SHANK1: variants seen among roughly 807,000 people sequenced by gnomAD.
SHANK1 encodes SH3 and multiple ankyrin repeat domains protein 1.
SHANK1 carries 35 observed loss-of-function variants against 165.6 expected under a neutral mutation model. The ratio of observed to expected loss-of-function variants is 0.21; its 90% CI spans 0.16 to 0.28. The LOEUF (loss-of-function observed/expected upper bound fraction) is 0.28. Ranked by LOEUF, SHANK1 falls within the 10% of genes least tolerant of loss-of-function variation. SHANK1 has a pLI of 1.00. For synonymous variants in SHANK1, 1,428 were observed against 1,384.8 expected (o/e 1.03, Z -0.69); for missense variants, 2,681 against 3,036.4 (o/e 0.88, Z 2.75).
At chr19:50,671,914 G>C in intron 22 of SHANK1, 104 bp downstream of exon 22, 1 of 839,806 alleles carries the variant, frequency 1.2e-6, no homozygotes, top group Non-Finnish European at 1.9e-6. Context: ...TGAAACTATG[G>C]TCTCTCTGGG....
chr19:50,687,621 G>A lies in SHANK1; in HGVS notation c.2350C>T (p.Leu784=). 2 of 1,536,766 alleles carry A rather than the reference G, an allele frequency of 1.3e-6. No homozygotes were observed. Among genetic ancestry groups the A allele is most frequent in the South Asian group, 1.2e-5 (1 of 81,436 alleles). The stretch of plus-strand genomic sequence containing the variant: ...TCTGAGGTCATAGATTTGGAACGCA[G>A]GGAGATGGTTGGGGGCGGCAGCCGC... ...AKRLPPPTIS[L]RSKSMTSELE... is the part of the protein sequence containing the mutation. The change falls in exon 19 of 24, where the codon CTG becomes TTG. Residue 784 remains leucine (L), a synonymous_variant. Transcript: ENST00000293441.
At chr19:50,683,051 C>T (rs1986224815) in intron 21 of SHANK1, among the ~76,000 whole-genome samples, 1 of 152,130 alleles carries the variant, frequency 6.6e-6, no homozygotes. Flanking sequence ...ACTCTGGTCT[C>T]GAACTACTAA....
At chr19:50,683,070 G>T (rs1000365893) in intron 21 of SHANK1, among the ~76,000 whole-genome samples, 1 of 152,146 alleles carries the variant, frequency 6.6e-6, no homozygotes, top group Non-Finnish European at 1.5e-5. Context: ...AAGCTCCAGG[G>T]ATCAGCCAGC....
At chr19:50,682,557 C>T (rs1174324373) in intron 21 of SHANK1, among the ~76,000 whole-genome samples, 8 of 152,112 alleles carry the variant, frequency 5.3e-5, no homozygotes, top group African/African-American at 1.9e-4. Context: ...ATTTGCATCC[C>T]CATTTGTCTG....
chr19:50,691,636 C>A (rs985559484), intron 15 of SHANK1, among the ~76,000 whole-genome samples: 1 of 152,180 alleles, frequency 6.6e-6, no homozygotes, highest in Non-Finnish European at 1.5e-5. Flanking sequence ...TCATAACCAG[C>A]CTCTGGGGCA....
In SHANK1 at chr19:50,667,354, C is replaced by T. The variant is rs1404244464; in HGVS notation, c.4606G>A (p.Ala1536Thr). 5.2e-6 allele frequency: 8 copies of T among 1,551,956 alleles called. No homozygotes were observed. The highest frequency in any genetic ancestry group is 6.9e-6 in the Non-Finnish European group (8 of 1,154,566). ...SVPPSPTSPR[A>T]SEENGLPLLV... is the part of the protein sequence containing the mutation. ...AGGGGCAGCCCGTTCTCTTCGCTGG[C>T]CCTCGGGGAGGTCGGGGAGGGGGGC... Residue 1536 changes from alanine (A) to threonine (T), a missense_variant, in exon 23 of 24, where the codon GCC becomes ACC. Coordinates refer to ENST00000293441, the MANE Select transcript of SHANK1 (RefSeq NM_016148.5). The surrounding 1 kb of genome is among the most constrained non-coding windows in gnomAD (Gnocchi z 5.7).
At chr19:50,707,110 A>G (rs1192841834) in intron 8 of SHANK1, among the ~76,000 whole-genome samples, 1 of 152,152 alleles carries the variant, frequency 6.6e-6, no homozygotes, top group African/African-American at 2.4e-5. Flanking sequence ...ACACTGATGT[A>G]TGTGCCAGGC....
rs375795144 is a variant in SHANK1 at position 50,666,890 on chromosome 19, G to A, written c.5070C>T (p.Thr1690=). ...TGCTCAGCGTGGAGGCGCTGCTGAT[G>A]GTCTCCAGTGGGTGGTCACTGCTGC... ...SRSSSDHPLE[T]ISSASTLSSL... is the part of the protein sequence containing the mutation. The change falls in exon 23 of 24, where the codon ACC becomes ACT. Residue 1690 remains threonine (T), a synonymous_variant. Coordinates refer to ENST00000293441, the MANE Select transcript of SHANK1 (RefSeq NM_016148.5). 1.8e-4 allele frequency: 294 copies of A among 1,592,384 alleles called. No homozygotes were observed. In the African/African-American group the frequency reaches 3.1e-3, roughly 17 times the overall value.
At position 50,686,976 on chromosome 19, in the gene SHANK1, CG is replaced by C; in HGVS notation, c.2390-165del. On this transcript the variant is annotated intron_variant, in intron 19 of 23. Transcript: ENST00000293441. This position sits in a 1 kb window ranked among gnomAD's most constrained non-coding sequence, Gnocchi z 5.7. ...GGAGGGGCGAGTCCGCCGGCGGGGTCGGGAGACGGGGGCCCTCCCGCCAGTC... is the reference window on the plus strand; with the variant it reads ...GGAGGGGCGAGTCCGCCGGCGGGGTCGGAGACGGGGGCCCTCCCGCCAGTC... The C allele has an allele frequency of 7.1e-7, 1 of 1,398,816 alleles. No homozygotes were observed. Among genetic ancestry groups the C allele is most frequent in the South Asian group, 1.6e-5 (1 of 62,044 alleles). 86.7% of individuals were successfully genotyped at this position (1,398,816 alleles called of 1,614,324 possible).
intron 11 of SHANK1, 81 bp downstream of exon 11, chr19:50,703,419 G>C: frequency 8.2e-7 from 1 of 1,226,658 alleles, no homozygotes; most frequent in Non-Finnish European, 1.1e-6. Context: ...AGGCAGCTGG[G>C]CTGGCCTCGG....
intron 19 of SHANK1, chr19:50,687,128 C>A: frequency 1.2e-6 from 1 of 826,312 alleles, no homozygotes; most frequent in Non-Finnish European, 1.8e-6. Context: ...CCGCCTCCCT[C>A]GGGGCCCCGG....
chr19:50,663,768 A>T (rs908934880), intron 23 of SHANK1, among the ~76,000 whole-genome samples: 1 of 151,998 alleles, frequency 6.6e-6, no homozygotes, highest in African/African-American at 2.4e-5. Flanking sequence ...AAAAGAAAAA[A>T]AAAATCCTCT....
At chr19:50,679,114 G>A (rs1986085709) in intron 21 of SHANK1, among the ~76,000 whole-genome samples, 1 of 123,720 alleles carries the variant, frequency 8.1e-6, no homozygotes, top group African/African-American at 3.0e-5. Context: ...GGTGTGGGGA[G>A]GGGTCAGGGT....
At position 50,703,566 on chromosome 19, in the gene SHANK1, C is replaced by G; in HGVS notation, c.1487G>C (p.Arg496Thr). Residue 496 changes from arginine to threonine, a missense_variant, in exon 11 of 24, where the codon AGG becomes ACG. Around this residue, in one of 10 missense-constraint regions of SHANK1, gnomAD observed 195 missense variants for 186.2 expected, o/e 1.05. Coordinates refer to ENST00000293441, the MANE Select transcript of SHANK1 (RefSeq NM_016148.5). ...LRSASSPRGARARSPSRGRHP... is the reference protein window; with the variant it reads ...LRSASSPRGATARSPSRGRHP... ...CCTCCCTCGGGATGGAGAGCGGGCC[C>G]TGGCACCCCGGGGGCTGCTGGCACT... 7.7e-6 allele frequency: 12 copies of G among 1,555,434 alleles called. No homozygotes were observed. Among genetic ancestry groups the G allele is most frequent in the Non-Finnish European group, 1.0e-5 (12 of 1,154,626 alleles).
chr19:50,712,305 C>G (rs572734709), intron 6 of SHANK1, among the ~76,000 whole-genome samples, 191 bp from the exon 7 acceptor site: 2 of 152,234 alleles, frequency 1.3e-5, no homozygotes, highest in Non-Finnish European at 1.5e-5. Flanking sequence ...ACTCTGATTC[C>G]GTGTGAACAA....
intron 4 of SHANK1, among the ~76,000 whole-genome samples, 172 bp from the exon 5 acceptor site, chr19:50,714,462 C>T (rs934933876): frequency 2.0e-5 from 3 of 152,050 alleles, no homozygotes; most frequent in South Asian, 2.1e-4. Context: ...GAGGCCGAGG[C>T]GGGAGGATCA....
Position 50,696,941 on chromosome 19 carries a change from ACATGCACACAGATGCGTGT to A in SHANK1, c.1964+136_1964+154del, listed in dbSNP as rs1986760505. On this transcript the variant is annotated intron_variant, in intron 15 of 23. Transcript: ENST00000293441. ...ATAGGTACAGGTACATCCAGGCCACACATGCACACAGATGCGTGTCATGCACACCTACAGAGACACACGT... is the reference window on the plus strand; with the variant it reads ...ATAGGTACAGGTACATCCAGGCCACACATGCACACCTACAGAGACACACGT... Among the ~76,000 whole-genome samples, 3 of 152,258 alleles carry A rather than the reference ACATGCACACAGATGCGTGT, an allele frequency of 2.0e-5. No individual in the cohort carries two copies. In the South Asian group the frequency reaches 6.2e-4, roughly 32 times the overall value.
At position 50,707,898 on chromosome 19, in the gene SHANK1, TTTCTTTTC is replaced by T. The variant is rs2088961561; in HGVS notation, c.1078-3392_1078-3385del. On this transcript the variant is annotated intron_variant, in intron 8 of 23. Coordinates refer to ENST00000293441, the MANE Select transcript of SHANK1 (RefSeq NM_016148.5). Reference sequence around the variant, plus strand: ...GTGTTTTTCTTTTCTTTTCTTTTCTTTTCTTTTCTTTTCTTTTCTTTTCTTTTCTTTTC... The same window carrying T: ...GTGTTTTTCTTTTCTTTTCTTTTCTTTTTTCTTTTCTTTTCTTTTCTTTTC... 1.2e-3 allele frequency among the ~76,000 whole-genome samples: 22 copies of T among 18,786 alleles called. No homozygotes were observed. In the South Asian group the frequency reaches 0.021, roughly 18 times the overall value. The allele number at this position is 18,786 out of a possible 152,430, so 12.3% of individuals were successfully genotyped here.
At chr19:50,715,358 G>C (rs918981905) in intron 4 of SHANK1, among the ~76,000 whole-genome samples, 1 of 152,048 alleles carries the variant, frequency 6.6e-6, no homozygotes, top group African/African-American at 2.4e-5. Flanking sequence ...GATATGGGGG[G>C]AGGCAGGGGA....
Sources: gnomAD v4.1 joint callset for allele counts (sites outside exome capture counted in the v4.1 genomes callset) on GRCh38, gnomAD v4.1.1 for gene constraint, gnomAD v4.1.1 regional missense constraint, Gnocchi (gnomAD v3.1) non-coding constraint, MANE v1.5 for transcripts, NCBI Gene and HGNC (gene_info 2026-07-23, HGNC 2026-07-21) for gene names.